The following NFAT5 variants were observed in gnomAD, a reference collection of about 807,000 sequenced individuals.
NFAT5 encodes the protein nuclear factor of activated T cells 5, also known as nuclear factor of activated T-cells 5.
A neutral mutation model predicts 166.5 loss-of-function variants in NFAT5; 31 were observed. That is an observed-to-expected ratio of 0.19 (90% CI 0.14 to 0.25). The LOEUF is 0.25. Ranked by LOEUF, NFAT5 falls within the 10% of genes least tolerant of loss-of-function variation. The pLI is 1.00. For synonymous variants in NFAT5, 612 were observed against 639.7 expected (o/e 0.96, Z 0.65); for missense variants, 1,449 against 1,821.8 (o/e 0.80, Z 3.72).
intron 3 of NFAT5, among the ~76,000 whole-genome samples, chr16:69,639,983 C>T (rs761469396): frequency 7.9e-5 from 12 of 152,006 alleles, no homozygotes; most frequent in Non-Finnish European, 1.8e-4. Context: ...AACATGTAAA[C>T]GTATGTTGGG....
intron 2 of NFAT5, among the ~76,000 whole-genome samples, chr16:69,593,701 A>G (rs928197017): frequency 6.6e-6 from 1 of 152,156 alleles, no homozygotes; most frequent in African/African-American, 2.4e-5. Context: ...ATGGGGAGAG[A>G]AAAAAGGAAG....
chr16:69,679,316 G>A (rs1046277693), intron 10 of NFAT5, among the ~76,000 whole-genome samples: 1 of 151,714 alleles, frequency 6.6e-6, no homozygotes, highest in Non-Finnish European at 1.5e-5. Flanking sequence ...GTACAGCACT[G>A]TTAAAATACC....
At chr16:69,691,655 C>A in intron 12 of NFAT5, 94 bp from the exon 13 acceptor site, 1 of 940,238 alleles carries the variant, frequency 1.1e-6, no homozygotes, top group Non-Finnish European at 1.6e-6. Flanking sequence ...GCTGGTCCTG[C>A]ATATATTTTT....
At chr16:69,579,504 A>C (rs1293604314) in intron 2 of NFAT5, among the ~76,000 whole-genome samples, 1 of 152,194 alleles carries the variant, frequency 6.6e-6, no homozygotes, top group Non-Finnish European at 1.5e-5. Context: ...ACAGAATGTC[A>C]TTAAGTTAAC....
chr16:69,635,023 G>GTTTTTTTTTTTTTTTTTTTTTTTTTTT, intron 3 of NFAT5, among the ~76,000 whole-genome samples: 1 of 105,266 alleles, frequency 9.5e-6, no homozygotes, highest in African/African-American at 3.8e-5. Context: ...TGTTAGTAAA[G>GTTTTTTTTTTTTTTTTTTTTTTTTTTT]TTTTTTTTTT....
chr16:69,604,640 T>G (rs1324175164), intron 2 of NFAT5, among the ~76,000 whole-genome samples: 1 of 152,188 alleles, frequency 6.6e-6, no homozygotes, highest in Non-Finnish European at 1.5e-5. Flanking sequence ...GAAAACCCTG[T>G]TGTGCAACCA....
intron 3 of NFAT5, among the ~76,000 whole-genome samples, chr16:69,639,482 A>G (rs2035111213): frequency 6.6e-6 from 1 of 152,198 alleles, no homozygotes; most frequent in African/African-American, 2.4e-5. Context: ...CTGAATGGCA[A>G]TTTGATGAAC....
At chr16:69,570,615 CTG>C (rs1301807048) in intron 2 of NFAT5, among the ~76,000 whole-genome samples, 5 of 151,852 alleles carry the variant, frequency 3.3e-5, no homozygotes, top group African/African-American at 4.8e-5. Context: ...TTTAATTACT[CTG>C]TATAGTTTAT....
chr16:69,603,073 CAT>C (rs917111380), intron 2 of NFAT5, among the ~76,000 whole-genome samples: 2 of 151,888 alleles, frequency 1.3e-5, no homozygotes, highest in Non-Finnish European at 2.9e-5. Flanking sequence ...TTTAAAGAAA[CAT>C]ATCAAATTAT....
chr16:69,692,554 C>T lies in NFAT5; in HGVS notation c.2729C>T (p.Ser910Phe). ...QQQQQQQVME[S>F]SAAMVMEMQQ... ...CAGCAGCAACAGCAAGTGATGGAAT[C>T]TTCAGCCGCAATGGTGATGGAGATG... is the stretch of plus-strand genomic sequence containing the variant. The change falls in exon 13 of 15, where the codon TCT becomes TTT. Residue 910 changes from serine (S) to phenylalanine (F), a missense_variant. Around this residue, in one of 7 missense-constraint regions of NFAT5, gnomAD observed 891 missense variants for 993.0 expected, o/e 0.90. Coordinates refer to ENST00000349945, the MANE Select transcript of NFAT5 (RefSeq NM_138713.4). The T allele has an allele frequency of 6.2e-7, 1 of 1,614,148 alleles. No homozygotes were observed. The highest frequency in any genetic ancestry group is 8.5e-7 in the Non-Finnish European group (1 of 1,180,026).
At chr16:69,688,265 G>C (rs932598391) in intron 11 of NFAT5, among the ~76,000 whole-genome samples, 6 of 149,712 alleles carry the variant, frequency 4.0e-5, no homozygotes, top group African/African-American at 1.5e-4. Context: ...TCCAGCCTGG[G>C]TAACAGAGTG....
chr16:69,622,168 G>A (rs2034230579), intron 2 of NFAT5, among the ~76,000 whole-genome samples: 1 of 152,190 alleles, frequency 6.6e-6, no homozygotes, highest in Non-Finnish European at 1.5e-5. Context: ...GCTGTGTTCA[G>A]ATTGTATGGT....
At chr16:69,579,888 A>C (rs1252926571) in intron 2 of NFAT5, among the ~76,000 whole-genome samples, 1 of 152,228 alleles carries the variant, frequency 6.6e-6, no homozygotes, top group Admixed American at 6.5e-5. Context: ...TAGGAATAAT[A>C]GACTTATAGA....
At chr16:69,569,848 A>C (rs2016331867) in intron 2 of NFAT5, among the ~76,000 whole-genome samples, 1 of 152,192 alleles carries the variant, frequency 6.6e-6, no homozygotes, top group Admixed American at 6.5e-5. Flanking sequence ...TAGTATGAAA[A>C]TCAAATATTT....
At chr16:69,664,608 A>G (rs2036285544) in intron 7 of NFAT5, among the ~76,000 whole-genome samples, 1 of 152,154 alleles carries the variant, frequency 6.6e-6, no homozygotes, top group Non-Finnish European at 1.5e-5. Context: ...TCAGACTGCT[A>G]GTTGAAAAGC....
chr16:69,569,513 G>A (rs1262762121), intron 2 of NFAT5, among the ~76,000 whole-genome samples: 1 of 152,050 alleles, frequency 6.6e-6, no homozygotes, highest in Non-Finnish European at 1.5e-5. Flanking sequence ...GAGGTAGTCC[G>A]GGATAGTGGG....
Position 69,699,298 on chromosome 16 carries a change from A to C in NFAT5, c.*2947A>C, listed in dbSNP as rs1597585834. On this transcript the variant is annotated 3_prime_UTR_variant, in exon 15 of 15. Coordinates refer to ENST00000349945, the MANE Select transcript of NFAT5 (RefSeq NM_138713.4). ...AAATGCTAATTGGCAATGCCAAGTC[A>C]CTGGGACCAATTTTCTGTTTTATAA... is the stretch of plus-strand genomic sequence containing the variant. 3 of 153,046 alleles carry C rather than the reference A, an allele frequency of 2.0e-5. No homozygotes were observed. The highest frequency in any genetic ancestry group is 2.9e-5 in the Non-Finnish European group (2 of 68,046). The allele number at this position is 153,046 out of a possible 1,614,324, so 9.5% of individuals were successfully genotyped here.
chr16:69,688,202 CAAA>C (rs1188158260), intron 11 of NFAT5, among the ~76,000 whole-genome samples: 113 of 49,502 alleles, frequency 2.3e-3, no homozygotes, highest in South Asian at 8.1e-3. Flanking sequence ...GACTCCGTCT[CAAA>C]AAAAAAAAAA....
At chr16:69,639,567 T>A (rs1315462493) in intron 3 of NFAT5, among the ~76,000 whole-genome samples, 1 of 152,100 alleles carries the variant, frequency 6.6e-6, no homozygotes, top group Non-Finnish European at 1.5e-5. Flanking sequence ...ATTATTTTTT[T>A]TAAAAAAATA....
Sources: allele counts gnomAD v4.1 joint callset (sites outside exome capture counted in the v4.1 genomes callset), GRCh38; gene constraint gnomAD v4.1.1; regional missense constraint gnomAD v4.1.1; transcripts MANE v1.5; gene names NCBI Gene and HGNC (gene_info 2026-07-23, HGNC 2026-07-21).